The following GOLGB1 variants were observed in gnomAD, a reference collection of about 807,000 sequenced individuals.
The protein encoded by GOLGB1 is golgin subfamily B member 1.
Under a neutral mutation model 336.9 loss-of-function variants are expected in GOLGB1, and 174 were observed. The observed-to-expected ratio is 0.52, with a 90% CI of 0.46 to 0.59. The LOEUF is 0.59. GOLGB1 is among the 20% of genes least tolerant of loss of function. GOLGB1 has a pLI of 0.00. For synonymous variants in GOLGB1, 1,208 were observed against 1,289.2 expected (o/e 0.94, Z 1.35); for missense variants, 3,331 against 3,645.3 (o/e 0.91, Z 2.22).
chr3:121,730,029 G>A lies in GOLGB1; in HGVS notation c.97-12C>T. The stretch of plus-strand genomic sequence containing the variant: ...TCTTGGTGTAATTCCTAATATTTAG[G>A]AAAAAAGTTGCCAGTGCACCAGGAA... On this transcript the variant is annotated splice_polypyrimidine_tract_variant and intron_variant, in intron 2 of 21. Coordinates refer to ENST00000614479, the MANE Select transcript of GOLGB1 (RefSeq NM_001366282.2). 1 of 1,594,894 alleles carries A rather than the reference G, an allele frequency of 6.3e-7. No homozygotes were observed. The highest frequency in any genetic ancestry group is 1.8e-5 in the Admixed American group (1 of 56,400).
In GOLGB1 at chr3:121,691,130, A is replaced by G. The variant is rs768702730; in HGVS notation, c.8234T>C (p.Met2745Thr). The G allele has an allele frequency of 2.5e-6, 4 of 1,613,854 alleles. No individual in the cohort carries two copies. In the East Asian group the frequency reaches 6.7e-5, roughly 27 times the overall value. Reference protein sequence around the residue: ...TAQIQSFGRSMSSLQNSRDHA... With the variant: ...TAQIQSFGRSTSSLQNSRDHA... ...ATCTCTACTATTTTGCAAGGAACTC[A>G]TAGACCTTCCAAAAGACTGAATTTG... is the stretch of plus-strand genomic sequence containing the variant. Residue 2745 changes from methionine (M) to threonine (T), a missense_variant, in exon 14 of 22, where the codon ATG becomes ACG. By Grantham distance (81) the Met-to-Thr change is moderately conservative. Coordinates refer to ENST00000614479, the MANE Select transcript of GOLGB1 (RefSeq NM_001366282.2).
At chr3:121,739,736 CT>C (rs1271920488) in intron 1 of GOLGB1, among the ~76,000 whole-genome samples, 2 of 152,094 alleles carry the variant, frequency 1.3e-5, no homozygotes, top group African/African-American at 4.8e-5. Context: ...GAAAAGAAAA[CT>C]TAAGTTCACA....
chr3:121,680,455 T>C (rs1940941431), intron 15 of GOLGB1, among the ~76,000 whole-genome samples: 2 of 152,144 alleles, frequency 1.3e-5, no homozygotes, highest in South Asian at 4.1e-4. Context: ...AAGCGATTAC[T>C]AACATACTGG....
chr3:121,701,770 A>G (rs1171065780), intron 11 of GOLGB1, among the ~76,000 whole-genome samples: 1 of 152,098 alleles, frequency 6.6e-6, no homozygotes, highest in Non-Finnish European at 1.5e-5. Context: ...TAAAGCAAAG[A>G]TGGAAAAAAA....
chr3:121,727,310 A>ATATATC (rs1945718499), intron 4 of GOLGB1, among the ~76,000 whole-genome samples: 1 of 32,688 alleles, frequency 3.1e-5, no homozygotes, highest in African/African-American at 7.7e-5. Context: ...ATATATATAT[A>ATATATC]TATATATATA....
At chr3:121,730,411 C>T (rs570887895) in intron 2 of GOLGB1, among the ~76,000 whole-genome samples, 1 of 151,910 alleles carries the variant, frequency 6.6e-6, no homozygotes, top group Admixed American at 6.6e-5. Flanking sequence ...CTTATGTGGA[C>T]TTCAGAAAAT....
At position 121,698,726 on chromosome 3, in the gene GOLGB1, G is replaced by T; in HGVS notation, c.1797C>A (p.Asp599Glu). 6.2e-7 allele frequency: 1 copy of T among 1,613,398 alleles called. No homozygotes were observed. The change falls in exon 13 of 22, where the codon GAC becomes GAA. Residue 599 changes from aspartate (D) to glutamate (E), a missense_variant. Coordinates refer to ENST00000614479, the MANE Select transcript of GOLGB1 (RefSeq NM_001366282.2). ...RAEEADHEVLDQKEMKQMEGE... is the reference protein window; with the variant it reads ...RAEEADHEVLEQKEMKQMEGE... ...CCTCCATCTGTTTCATTTCTTTCTG[G>T]TCAAGGACCTCATGATCTGCTTCCT... is the stretch of plus-strand genomic sequence containing the variant.
intron 20 of GOLGB1, 148 bp downstream of exon 20, chr3:121,667,328 G>C: frequency 2.7e-6 from 2 of 738,156 alleles, no homozygotes; most frequent in Non-Finnish European, 4.4e-6. Flanking sequence ...GTGTTCTCTT[G>C]GGTGACCACA....
intron 20 of GOLGB1, among the ~76,000 whole-genome samples, chr3:121,665,992 G>C (rs951561900): frequency 1.3e-5 from 2 of 152,198 alleles, no homozygotes; most frequent in Admixed American, 6.5e-5. Flanking sequence ...TACACCTTCT[G>C]TGTCTATTCC....
In GOLGB1 at chr3:121,691,623, G is replaced by A. The variant is rs1481466717; in HGVS notation, c.7741C>T (p.Leu2581=). The part of the protein sequence containing the change: ...ENKYAKLEEK[L]KESEEANEDL... ...TCATTTGCTTCCTCAGATTCCTTCA[G>A]CTTTTCTTCTAATTTAGCATATTTA... Residue 2581 remains leucine, a synonymous_variant, in exon 14 of 22, where the codon CTG becomes TTG. Coordinates refer to ENST00000614479, the MANE Select transcript of GOLGB1 (RefSeq NM_001366282.2). The A allele has an allele frequency of 6.2e-7, 1 of 1,613,346 alleles. No individual in the cohort carries two copies. Among genetic ancestry groups the A allele is most frequent in the South Asian group, 1.1e-5 (1 of 90,956 alleles).
intron 10 of GOLGB1, among the ~76,000 whole-genome samples, chr3:121,708,389 C>T (rs1032819011): frequency 7.2e-5 from 11 of 151,900 alleles, no homozygotes; most frequent in Admixed American, 1.3e-4. Flanking sequence ...CCCAGCACTT[C>T]GGGAGACAAA....
In GOLGB1 at chr3:121,695,385, T is replaced by C. The variant is rs1486331236; in HGVS notation, c.5138A>G (p.Asp1713Gly). 1 of 1,614,044 alleles carries C rather than the reference T, an allele frequency of 6.2e-7. No homozygotes were observed. Among genetic ancestry groups the C allele is most frequent in the Non-Finnish European group, 8.5e-7 (1 of 1,179,960 alleles). The change falls in exon 13 of 22, where the codon GAT (aspartate) becomes GGT (glycine). Residue 1713 changes from aspartate to glycine, a missense_variant. Asp to Gly is a moderately conservative substitution (Grantham distance 94). Coordinates refer to ENST00000614479, the MANE Select transcript of GOLGB1 (RefSeq NM_001366282.2). ...RLRAEVHPAG[D>G]TAKECMETLL... ...TGTTTCCATACACTCTTTAGCTGTA[T>C]CTCCTGCAGGGTGCACCTCTGCCCT...
chr3:121,710,617 T>C (rs930868776), intron 10 of GOLGB1, among the ~76,000 whole-genome samples: 24 of 152,088 alleles, frequency 1.6e-4, no homozygotes, highest in African/African-American at 5.1e-4. Context: ...GGGAGGGGGA[T>C]TGCTTGAGTC....
At chr3:121,736,524 C>T (rs1946478108) in intron 1 of GOLGB1, among the ~76,000 whole-genome samples, 1 of 152,160 alleles carries the variant, frequency 6.6e-6, no homozygotes, top group South Asian at 2.1e-4. Flanking sequence ...CTGACCAATA[C>T]TCTTCAAAAC....
intron 10 of GOLGB1, among the ~76,000 whole-genome samples, chr3:121,714,635 C>T (rs1049626295): frequency 2.0e-5 from 3 of 152,056 alleles, no homozygotes; most frequent in African/African-American, 7.2e-5. Flanking sequence ...CTTCTGAGAC[C>T]ATGGTATTTG....
intron 1 of GOLGB1, among the ~76,000 whole-genome samples, chr3:121,740,587 G>A (rs1946783844): frequency 1.3e-5 from 2 of 152,096 alleles, no homozygotes; most frequent in African/African-American, 2.4e-5. Flanking sequence ...CTAAGCAAAG[G>A]ATACACCAGA....
chr3:121,742,307 A>C (rs1208683258), intron 1 of GOLGB1, among the ~76,000 whole-genome samples: 1 of 152,346 alleles, frequency 6.6e-6, no homozygotes, highest in South Asian at 2.1e-4. Context: ...CTCAGAAATA[A>C]CACCACACAT....
At chr3:121,734,166 G>A (rs1946317655) in intron 1 of GOLGB1, among the ~76,000 whole-genome samples, 1 of 152,126 alleles carries the variant, frequency 6.6e-6, no homozygotes, top group Non-Finnish European at 1.5e-5. Flanking sequence ...GAGGCAAGCA[G>A]ATCAGTTGAG....
At chr3:121,671,085 G>T (rs1939468916) in intron 17 of GOLGB1, among the ~76,000 whole-genome samples, 1 of 152,196 alleles carries the variant, frequency 6.6e-6, no homozygotes, top group African/African-American at 2.4e-5. Flanking sequence ...GGCTGCGTTT[G>T]TGTTACAACT....
Sources: gnomAD v4.1 joint callset for allele counts (sites outside exome capture counted in the v4.1 genomes callset) on GRCh38, gnomAD v4.1.1 for gene constraint, MANE v1.5 for transcripts, NCBI Gene and HGNC (gene_info 2026-07-23, HGNC 2026-07-21) for gene names.